Variants in CLCNKA observed in about 807,000 individuals in gnomAD.
CLCNKA encodes chloride voltage-gated channel Ka, also known as chloride channel protein ClC-Ka.
In CLCNKA, 66 loss-of-function variants were observed where a neutral mutation model predicts 83.3. That is an observed-to-expected ratio of 0.79 (90% CI 0.65 to 0.97). CLCNKA has a LOEUF of 0.97. CLCNKA is among the 50% of genes least tolerant of loss of function. CLCNKA has a pLI of 0.00. For synonymous variants in CLCNKA, 357 were observed against 370.4 expected (o/e 0.96, Z 0.42); for missense variants, 806 against 888.7 (o/e 0.91, Z 1.18).
In CLCNKA at chr1:16,032,538, T is replaced by C; in HGVS notation, c.1929+12T>C. On this transcript the variant is annotated intron_variant, in intron 18 of 19. Transcript: ENST00000331433. ...CCACCTTGCACCAGGTAACAAGTAT[T>C]GGGGAGTGTGACACACGCAGCCCCC... The C allele has an allele frequency of 6.2e-7, 1 of 1,605,658 alleles. No homozygotes were observed. The highest frequency in any genetic ancestry group is 8.5e-7 in the Non-Finnish European group (1 of 1,173,172).
At chr1:16,026,455 G>C (rs1489830129) in intron 5 of CLCNKA, 81 bp from the exon 6 acceptor site, 2 of 1,577,954 alleles carry the variant, frequency 1.3e-6, no homozygotes, top group African/African-American at 2.7e-5. Flanking sequence ...GATGGAGGAG[G>C]GGGTGTGGTG....
intron 3 of CLCNKA, 147 bp downstream of exon 3, chr1:16,024,075 C>G: frequency 1.0e-6 from 1 of 973,522 alleles, no homozygotes; most frequent in Non-Finnish European, 1.6e-6. Flanking sequence ...GCTCTGTGAT[C>G]CTGGGCAGGC....
Position 16,033,664 on chromosome 1 carries a change from C to G in CLCNKA, c.*6C>G. 1 of 1,606,852 alleles carries G rather than the reference C, an allele frequency of 6.2e-7. No homozygotes were observed. The highest frequency in any genetic ancestry group is 2.3e-5 in the East Asian group (1 of 44,068). On this transcript the variant is annotated 3_prime_UTR_variant, in exon 20 of 20. Coordinates refer to ENST00000331433, the MANE Select transcript of CLCNKA (RefSeq NM_004070.4). ...ATCCGCCAGCTCCAAAGTGAGCCGG[C>G]CCAGCAAGATGAAACAGGGCACCCC...
intron 16 of CLCNKA, 138 bp from the exon 17 acceptor site, chr1:16,032,065 G>T (rs1187193646): frequency 3.5e-6 from 4 of 1,158,364 alleles, no homozygotes; most frequent in African/African-American, 3.0e-5. Context: ...AAGAGAGTCG[G>T]CTGGGTGCTT....
In CLCNKA at chr1:16,029,086, G is replaced by T. The variant is rs781318649; in HGVS notation, c.1054-40G>T. The T allele has an allele frequency of 2.5e-6, 4 of 1,576,618 alleles. No individual in the cohort carries two copies. In the East Asian group the frequency reaches 6.7e-5, roughly 26 times the overall value. On this transcript the variant is annotated intron_variant, in intron 11 of 19. Transcript: ENST00000331433. ...GGGGAGGCTGGGGTCTGCCGCTGGG[G>T]GGGGCCCCTCATGTCCAGTTCCCAC...
chr1:16,029,715 C>A lies in CLCNKA; in HGVS notation c.1228-16C>A. 6.2e-7 allele frequency: 1 copy of A among 1,614,128 alleles called. No homozygotes were observed. Among genetic ancestry groups the A allele is most frequent in the Non-Finnish European group, 8.5e-7 (1 of 1,180,024 alleles). ...AGCGGCCTCTAACCTCTGCCCTGGG[C>A]TCCCCCTTCCTGCAGTTCTGGATGC... On this transcript the variant is annotated splice_polypyrimidine_tract_variant and intron_variant, in intron 12 of 19. Coordinates refer to ENST00000331433, the MANE Select transcript of CLCNKA (RefSeq NM_004070.4).
intron 3 of CLCNKA, 107 bp downstream of exon 3, chr1:16,024,035 C>G (rs942696824): frequency 7.2e-7 from 1 of 1,383,182 alleles, no homozygotes; most frequent in Admixed American, 1.7e-5. Flanking sequence ...GACCTGGGTG[C>G]GGGGAGGGCT....
chr1:16,028,359 C>T (rs1231648981), intron 10 of CLCNKA, among the ~76,000 whole-genome samples: 1 of 151,962 alleles, frequency 6.6e-6, no homozygotes, highest in African/African-American at 2.4e-5. Flanking sequence ...CGAAACCCCA[C>T]CCCCTCACTG....
At chr1:16,026,289 CT>C in intron 5 of CLCNKA, 42 bp downstream of exon 5, 1 of 1,605,690 alleles carries the variant, frequency 6.2e-7, no homozygotes, top group Non-Finnish European at 8.5e-7. Context: ...CCCGCCCACC[CT>C]ACCCTGCCCC....
rs1173840529 is a variant in CLCNKA at position 16,022,845 on chromosome 1, A to G, written c.100+126A>G. ...CATTTGTCCAGGACATGACTGCCCAAAGTCTCCTGGGTGGCAGGGAGGGAA... is the reference window on the plus strand; with the variant it reads ...CATTTGTCCAGGACATGACTGCCCAGAGTCTCCTGGGTGGCAGGGAGGGAA... On this transcript the variant is annotated intron_variant, in intron 2 of 19. Coordinates refer to ENST00000331433, the MANE Select transcript of CLCNKA (RefSeq NM_004070.4). 1.1e-5 allele frequency: 7 copies of G among 644,450 alleles called. No homozygotes were observed. The East Asian group carries it at 2.1e-4, about 19-fold the overall frequency. The allele number at this position is 644,450 out of a possible 1,614,324, so 39.9% of individuals were successfully genotyped here.
At chr1:16,032,400 T>C (rs1468673198) in intron 17 of CLCNKA, 43 bp from the exon 18 acceptor site, 4 of 1,574,580 alleles carry the variant, frequency 2.5e-6, no homozygotes, top group Non-Finnish European at 3.5e-6. Flanking sequence ...AGAGGCATCC[T>C]GGGGAGGCCG....
chr1:16,032,177 C>G (rs1570312777), intron 16 of CLCNKA, 26 bp from the exon 17 acceptor site: 1 of 1,599,468 alleles, frequency 6.3e-7, no homozygotes, highest in East Asian at 2.2e-5. Context: ...AATGCACCTC[C>G]CTCCCTCTCC....
At position 16,028,854 on chromosome 1, in the gene CLCNKA, T is replaced by C; in HGVS notation, c.1053+9T>C. 6.2e-7 allele frequency: 1 copy of C among 1,613,774 alleles called. No individual in the cohort carries two copies. ...ACTTCCTAGCTTCTCGGGTAAGGGG[T>C]CCTGAGCGGGGGTGGCAGGAGTGGG... On this transcript the variant is annotated intron_variant, in intron 11 of 19. Transcript: ENST00000331433.
chr1:16,023,991 C>T (rs2022242599), intron 3 of CLCNKA, 63 bp downstream of exon 3: 17 of 1,601,394 alleles, frequency 1.1e-5, no homozygotes, highest in Admixed American at 5.0e-5. Flanking sequence ...CTGGGGATAC[C>T]AGATGGGCCA....
intron 2 of CLCNKA, among the ~76,000 whole-genome samples, chr1:16,023,314 C>T (rs746414060): frequency 2.0e-5 from 3 of 152,322 alleles, no homozygotes; most frequent in Non-Finnish European, 4.4e-5. Flanking sequence ...GTCTGCTAGA[C>T]CCTGGTGCTC....
intron 3 of CLCNKA, among the ~76,000 whole-genome samples, chr1:16,024,541 G>T (rs913146189): frequency 6.6e-6 from 1 of 152,186 alleles, no homozygotes; most frequent in Admixed American, 6.5e-5. Flanking sequence ...GCTCAGAGAG[G>T]CTGAGTGGCT....
intron 7 of CLCNKA, 49 bp from the exon 8 acceptor site, chr1:16,027,261 C>A: frequency 1.2e-6 from 2 of 1,610,142 alleles, no homozygotes; most frequent in Non-Finnish European, 1.7e-6. Context: ...GCCCTACAGC[C>A]ACAGGTGGGT....
chr1:16,027,368 G>C lies in CLCNKA; in HGVS notation c.714G>C (p.Arg238Ser), dbSNP rs753737600. The part of the protein sequence containing the change: ...SSHFSVRDYW[R>S]GFFAATCGAF... ...ACTTCTCTGTCCGGGATTACTGGAG[G>C]GGCTTCTTTGCGGCCACCTGCGGGG... The change falls in exon 8 of 20, where the codon AGG becomes AGC. Residue 238 changes from arginine to serine, a missense_variant. By Grantham distance (110) the Arg-to-Ser change is moderately radical. Transcript: ENST00000331433. The C allele has an allele frequency of 1.9e-6, 3 of 1,613,794 alleles. No individual in the cohort carries two copies. The highest frequency in any genetic ancestry group is 2.5e-6 in the Non-Finnish European group (3 of 1,180,004).
chr1:16,024,018 A>G (rs1051646774), intron 3 of CLCNKA, 90 bp downstream of exon 3: 1 of 1,527,064 alleles, frequency 6.5e-7, no homozygotes, highest in African/African-American at 1.4e-5. Context: ...GCAGCGGTGC[A>G]GGGACGGACC....
Sources: allele counts gnomAD v4.1 joint callset (sites outside exome capture counted in the v4.1 genomes callset), GRCh38; gene constraint gnomAD v4.1.1; transcripts MANE v1.5; gene names NCBI Gene and HGNC (gene_info 2026-07-23, HGNC 2026-07-21).